Variants in TMEFF1 observed in about 807,000 individuals in gnomAD.
The protein encoded by TMEFF1 is tomoregulin-1.
In TMEFF1, 20 loss-of-function variants were observed where a neutral mutation model predicts 47.5. The observed-to-expected ratio is 0.42, with a 90% CI of 0.30 to 0.61. The LOEUF (loss-of-function observed/expected upper bound fraction) is 0.61, where lower values mean the gene tolerates loss of function less well. Ranked by LOEUF, TMEFF1 falls within the 20% of genes least tolerant of loss-of-function variation. The pLI, the probability that TMEFF1 is intolerant of heterozygous loss-of-function variation, is 0.19. For synonymous variants in TMEFF1, 162 were observed against 166.3 expected (o/e 0.97, Z 0.20); for missense variants, 411 against 471.1 (o/e 0.87, Z 1.18).
At chr9:100,569,463 C>CT (rs140624956) in intron 8 of TMEFF1, among the ~76,000 whole-genome samples, 13 of 151,250 alleles carry the variant, frequency 8.6e-5, no homozygotes, top group South Asian at 2.1e-4. Context: ...ATGGAACTTA[C>CT]TTTTTTTTTC....
chr9:100,504,605 A>C (rs1034180498), intron 2 of TMEFF1, among the ~76,000 whole-genome samples: 1 of 152,244 alleles, frequency 6.6e-6, no homozygotes, highest in African/African-American at 2.4e-5. Context: ...CCAAAGGTAG[A>C]TTATCTTATT....
chr9:100,506,486 C>T (rs1837863389), intron 2 of TMEFF1, among the ~76,000 whole-genome samples: 1 of 151,934 alleles, frequency 6.6e-6, no homozygotes, highest in African/African-American at 2.4e-5. Flanking sequence ...AGAATTCAGG[C>T]CAGGCGCAGT....
At chr9:100,515,539 G>A (rs531971426) in intron 4 of TMEFF1, among the ~76,000 whole-genome samples, 1 of 152,214 alleles carries the variant, frequency 6.6e-6, no homozygotes, top group South Asian at 2.1e-4. Context: ...TGTAATCCCA[G>A]CGTTTTGGGA....
intron 2 of TMEFF1, among the ~76,000 whole-genome samples, chr9:100,503,361 A>G (rs1837802174): frequency 6.6e-6 from 1 of 152,074 alleles, no homozygotes; most frequent in African/African-American, 2.4e-5. Flanking sequence ...TTTCCCTGAA[A>G]ACTTTGTATA....
At chr9:100,573,720 A>G (rs1420266958) in intron 9 of TMEFF1, among the ~76,000 whole-genome samples, 2 of 152,234 alleles carry the variant, frequency 1.3e-5, no homozygotes, top group African/African-American at 4.8e-5. Context: ...CAGTAGTCTC[A>G]GCCATCTGGA....
intron 1 of TMEFF1, among the ~76,000 whole-genome samples, chr9:100,491,620 G>A (rs1415447165): frequency 6.6e-6 from 1 of 152,174 alleles, no homozygotes; most frequent in Non-Finnish European, 1.5e-5. Flanking sequence ...TGGTGGGTGT[G>A]AATGTGAATA....
chr9:100,500,963 C>T (rs1182350170), intron 2 of TMEFF1, among the ~76,000 whole-genome samples: 2 of 152,166 alleles, frequency 1.3e-5, no homozygotes, highest in African/African-American at 4.8e-5. Context: ...TTGGAGTCTG[C>T]CCCATGTGTG....
chr9:100,492,092 G>C (rs1192025933), intron 1 of TMEFF1, among the ~76,000 whole-genome samples: 1 of 152,110 alleles, frequency 6.6e-6, no homozygotes, highest in East Asian at 1.9e-4. Flanking sequence ...CATCACGTTG[G>C]CCAGGCTGGT....
At chr9:100,488,939 G>A (rs1476919457) in intron 1 of TMEFF1, among the ~76,000 whole-genome samples, 1 of 151,792 alleles carries the variant, frequency 6.6e-6, no homozygotes, top group African/African-American at 2.4e-5. Context: ...GTAAAATTCA[G>A]CATGTTAAAG....
chr9:100,488,343 T>C (rs576118965), intron 1 of TMEFF1, among the ~76,000 whole-genome samples: 1 of 152,370 alleles, frequency 6.6e-6, no homozygotes, highest in African/African-American at 2.4e-5. Context: ...ATTTAGATTG[T>C]TTTCTACTTT....
At chr9:100,519,991 A>G (rs934691233) in intron 5 of TMEFF1, among the ~76,000 whole-genome samples, 2 of 152,024 alleles carry the variant, frequency 1.3e-5, no homozygotes, top group Non-Finnish European at 1.5e-5. Context: ...GTACTCTAAT[A>G]TTTTCTATCC....
chr9:100,540,507 C>T (rs1009123969), intron 5 of TMEFF1, among the ~76,000 whole-genome samples: 1 of 152,214 alleles, frequency 6.6e-6, no homozygotes, highest in African/African-American at 2.4e-5. Context: ...CGTGCCTCCC[C>T]CTCCCCACCT....
At chr9:100,573,103 G>C (rs1010480731) in intron 9 of TMEFF1, among the ~76,000 whole-genome samples, 1 of 151,658 alleles carries the variant, frequency 6.6e-6, no homozygotes, top group African/African-American at 2.4e-5. Context: ...GAGTAGCTGA[G>C]ACTATAGGCG....
In TMEFF1 at chr9:100,513,292, T is replaced by C; in HGVS notation, c.437-15T>C. The C allele has an allele frequency of 6.3e-7, 1 of 1,595,822 alleles. No individual in the cohort carries two copies. The highest frequency in any genetic ancestry group is 2.3e-5 in the East Asian group (1 of 44,440). ...GGGAAAAATGTTCATATTCATTCTT[T>C]GTTTTTCTTCTCAGATAATGGATCT... is the stretch of plus-strand genomic sequence containing the variant. On this transcript the variant is annotated splice_polypyrimidine_tract_variant and intron_variant, in intron 3 of 9. Transcript: ENST00000374879.
intron 4 of TMEFF1, among the ~76,000 whole-genome samples, chr9:100,515,487 A>C (rs1291068509): frequency 6.6e-6 from 1 of 152,028 alleles, no homozygotes; most frequent in Non-Finnish European, 1.5e-5. Context: ...CACTATCTTT[A>C]TTATAAGACA....
chr9:100,511,030 G>C (rs1243251274), intron 3 of TMEFF1, among the ~76,000 whole-genome samples: 1 of 152,170 alleles, frequency 6.6e-6, no homozygotes, highest in Non-Finnish European at 1.5e-5. Flanking sequence ...TTACCTTCCG[G>C]AAGCAGAGGG....
intron 3 of TMEFF1, among the ~76,000 whole-genome samples, chr9:100,510,152 A>G (rs1322709731): frequency 2.6e-5 from 4 of 152,214 alleles, no homozygotes; most frequent in Admixed American, 6.5e-5. Flanking sequence ...CAAAGGGGAC[A>G]GTCTCCAAGG....
chr9:100,508,898 T>C (rs117296344), intron 2 of TMEFF1, 107 bp from the exon 3 acceptor site: 6 of 1,274,062 alleles, frequency 4.7e-6, no homozygotes, highest in Non-Finnish European at 6.0e-6. Flanking sequence ...CCCAGACTAT[T>C]CAGTAGCGAA....
intron 1 of TMEFF1, among the ~76,000 whole-genome samples, chr9:100,474,346 T>C (rs867407557): frequency 1.4e-4 from 21 of 149,908 alleles, no homozygotes; most frequent in Admixed American, 3.3e-4. Flanking sequence ...CGCGCGCGCG[T>C]GTGTGTTCTT....
Sources: gnomAD v4.1 joint callset for allele counts (sites outside exome capture counted in the v4.1 genomes callset) on GRCh38, gnomAD v4.1.1 for gene constraint, MANE v1.5 for transcripts, NCBI Gene and HGNC (gene_info 2026-07-23, HGNC 2026-07-21) for gene names.